Variants in ROR1 observed in about 807,000 individuals in gnomAD.
ROR1 encodes the protein inactive tyrosine-protein kinase transmembrane receptor ROR1.
ROR1 carries 19 observed loss-of-function variants against 78.8 expected under a neutral mutation model. The ratio of observed to expected loss-of-function variants is 0.24; its 90% CI spans 0.17 to 0.35. The LOEUF is 0.35. ROR1 is among the 10% of genes least tolerant of loss of function. The pLI is 1.00. For synonymous variants in ROR1, 386 were observed against 433.6 expected, an observed-to-expected ratio of 0.89 and a Z score of 1.36; for missense variants, 917 against 1,177.8, an observed-to-expected ratio of 0.78 and a Z score of 3.24.
chr1:64,017,158 G>A (rs563051173), intron 2 of ROR1, among the ~76,000 whole-genome samples: 7 of 151,920 alleles, frequency 4.6e-5, no homozygotes, highest in African/African-American at 1.2e-4. Context: ...CTGCCCCCTC[G>A]GCCCCCCAAA....
chr1:63,884,266 C>T (rs1472479794), intron 1 of ROR1, among the ~76,000 whole-genome samples: 4 of 152,172 alleles, frequency 2.6e-5, no homozygotes, highest in African/African-American at 9.7e-5. Flanking sequence ...CCCACCTTCC[C>T]AGTTAGCATT....
intron 2 of ROR1, among the ~76,000 whole-genome samples, chr1:64,043,029 A>T (rs969825115): frequency 2.1e-4 from 32 of 152,160 alleles, no homozygotes; most frequent in African/African-American, 7.5e-4. Flanking sequence ...TGATACCAAG[A>T]CCCAGGCCCT....
chr1:64,094,819 G>C (rs951512272), intron 4 of ROR1: 7 of 152,228 alleles, frequency 4.6e-5, no homozygotes, highest in Non-Finnish European at 1.0e-4. Flanking sequence ...AGAACTGCTG[G>C]CCTCAAATGA....
chr1:64,137,775 T>A (rs558176768), intron 5 of ROR1, among the ~76,000 whole-genome samples: 1 of 152,318 alleles, frequency 6.6e-6, no homozygotes, highest in Non-Finnish European at 1.5e-5. Flanking sequence ...AGGAACTGAA[T>A]CTGAATGGGA....
intron 8 of ROR1, among the ~76,000 whole-genome samples, chr1:64,159,688 T>TA (rs5774686): frequency 0.33 from 49,928 of 151,864 alleles, 8,641 homozygotes; most frequent in Middle Eastern, 0.42. Flanking sequence ...TACCACGATT[T>TA]AAAAAAAATC....
intron 4 of ROR1, among the ~76,000 whole-genome samples, chr1:64,074,352 T>G (rs1446483156): frequency 1.3e-5 from 2 of 152,172 alleles, no homozygotes; most frequent in Admixed American, 1.3e-4. Flanking sequence ...TTTAAGGGAT[T>G]AAATGGCATG....
At chr1:64,002,964 G>A (rs1323874543) in intron 1 of ROR1, among the ~76,000 whole-genome samples, 2 of 152,160 alleles carry the variant, frequency 1.3e-5, no homozygotes, top group African/African-American at 4.8e-5. Context: ...TGGCACAGTT[G>A]AAGATGCTCT....
At chr1:64,029,096 T>C (rs1190545589) in intron 2 of ROR1, 1 of 152,164 alleles carries the variant, frequency 6.6e-6, no homozygotes, top group African/African-American at 2.4e-5. Flanking sequence ...AATTATCGTA[T>C]ATTTATATTA....
At chr1:64,078,257 G>A (rs1200689950) in intron 4 of ROR1, among the ~76,000 whole-genome samples, 1 of 152,172 alleles carries the variant, frequency 6.6e-6, no homozygotes, top group Admixed American at 6.5e-5. Context: ...TGGCATGTGA[G>A]GGTCTTGGAA....
At chr1:64,141,755 A>G (rs973658375) in intron 6 of ROR1, among the ~76,000 whole-genome samples, 2 of 152,188 alleles carry the variant, frequency 1.3e-5, no homozygotes, top group African/African-American at 4.8e-5. Flanking sequence ...AAAATGCTTA[A>G]CACATGGTAA....
intron 1 of ROR1, among the ~76,000 whole-genome samples, chr1:63,974,317 T>C (rs1402587952): frequency 6.6e-6 from 1 of 152,102 alleles, no homozygotes; most frequent in Non-Finnish European, 1.5e-5. Context: ...TTAAAACAAA[T>C]TCAGCTAGGC....
At chr1:64,174,610 A>G (rs1035542092) in intron 8 of ROR1, among the ~76,000 whole-genome samples, 3 of 152,188 alleles carry the variant, frequency 2.0e-5, no homozygotes, top group African/African-American at 2.4e-5. Context: ...TCAGTCCCTT[A>G]AAGTTCTCTG....
chr1:63,985,351 T>C (rs955366067), intron 1 of ROR1, among the ~76,000 whole-genome samples: 1 of 152,204 alleles, frequency 6.6e-6, no homozygotes, highest in African/African-American at 2.4e-5. Context: ...TCAGACATTG[T>C]TTTGTCAGAT....
chr1:64,169,203 G>A (rs556414274), intron 8 of ROR1, among the ~76,000 whole-genome samples: 44 of 152,300 alleles, frequency 2.9e-4, no homozygotes, highest in African/African-American at 1.1e-3. Flanking sequence ...TAGGGCCAGG[G>A]TCTGCTCATC....
intron 1 of ROR1, among the ~76,000 whole-genome samples, chr1:63,991,205 C>G (rs1161207280): frequency 6.6e-6 from 1 of 152,090 alleles, no homozygotes; most frequent in Non-Finnish European, 1.5e-5. Flanking sequence ...TCTGACTTGG[C>G]CTCCCAAAGT....
At chr1:63,971,763 C>G (rs1289961937) in intron 1 of ROR1, among the ~76,000 whole-genome samples, 1 of 152,058 alleles carries the variant, frequency 6.6e-6, no homozygotes. Flanking sequence ...GTGTGGTCAC[C>G]GGAATCACGG....
chr1:63,829,602 T>G (rs1430234790), intron 1 of ROR1, among the ~76,000 whole-genome samples: 1 of 151,936 alleles, frequency 6.6e-6, no homozygotes, highest in Non-Finnish European at 1.5e-5. Context: ...ATGTACAGAG[T>G]CTGGAAGTGC....
chr1:63,801,304 C>T (rs1161521042), intron 1 of ROR1, among the ~76,000 whole-genome samples: 1 of 151,564 alleles, frequency 6.6e-6, no homozygotes, highest in Admixed American at 6.6e-5. Flanking sequence ...TGTTTTTGGT[C>T]TTTTTTTTGA....
chr1:64,015,437 TCAC>T (rs1353669331), intron 2 of ROR1, among the ~76,000 whole-genome samples: 1 of 152,186 alleles, frequency 6.6e-6, no homozygotes, highest in African/African-American at 2.4e-5. Context: ...CCTCGAAGCT[TCAC>T]CATCAAGGCC....
Sources: gnomAD v4.1 joint callset for allele counts (sites outside exome capture counted in the v4.1 genomes callset) on GRCh38, gnomAD v4.1.1 for gene constraint, MANE v1.5 for transcripts, NCBI Gene and HGNC (gene_info 2026-07-23, HGNC 2026-07-21) for gene names.